GREM2: variants seen among roughly 807,000 people sequenced by gnomAD.
The protein encoded by GREM2 is gremlin 2, DAN family BMP antagonist, also known as gremlin-2.
GREM2 carries 11 observed loss-of-function variants against 14.2 expected under a neutral mutation model. The observed-to-expected ratio is 0.78, with a 90% CI of 0.49 to 1.28. The LOEUF (loss-of-function observed/expected upper bound fraction) is 1.28. Ranked by LOEUF, GREM2 falls within the 50% of genes most tolerant of loss-of-function variation. The pLI, the probability that GREM2 is intolerant of heterozygous loss-of-function variation, is 0.00. For synonymous variants in GREM2, 98 were observed against 97.6 expected (o/e 1.00, Z -0.02); for missense variants, 210 against 218.5 (o/e 0.96, Z 0.24).
intron 1 of GREM2, among the ~76,000 whole-genome samples, chr1:240,582,208 CG>C (rs748466474): frequency 1.1e-4 from 16 of 152,282 alleles, no homozygotes; most frequent in Admixed American, 3.3e-4. Context: ...GAGGCCAAGG[CG>C]GGTGGATCAC....
intron 1 of GREM2, among the ~76,000 whole-genome samples, chr1:240,521,949 CA>C (rs1032236281): frequency 4.0e-5 from 6 of 150,366 alleles, no homozygotes; most frequent in Non-Finnish European, 7.4e-5. Flanking sequence ...CCATCTCTAC[CA>C]AAAAAAAAAT....
chr1:240,611,452 T>A (rs1238425665), intron 1 of GREM2, among the ~76,000 whole-genome samples: 1 of 152,172 alleles, frequency 6.6e-6, no homozygotes, highest in Non-Finnish European at 1.5e-5. Context: ...CCGCTGTGGT[T>A]CCTATTCCTG....
intron 1 of GREM2, among the ~76,000 whole-genome samples, chr1:240,602,176 T>C (rs1934346): frequency 0.22 from 33,105 of 152,042 alleles, 4,480 homozygotes; most frequent in Middle Eastern, 0.31. Flanking sequence ...CCCAGGCCCC[T>C]AAAAGCTATT....
chr1:240,536,151 C>T (rs1348278227), intron 1 of GREM2, among the ~76,000 whole-genome samples: 2 of 152,142 alleles, frequency 1.3e-5, no homozygotes, highest in Non-Finnish European at 2.9e-5. Context: ...TCAATTATGG[C>T]AGTTAGAAGG....
At chr1:240,563,164 CGT>C (rs1003088567) in intron 1 of GREM2, among the ~76,000 whole-genome samples, 3 of 130,334 alleles carry the variant, frequency 2.3e-5, no homozygotes, top group African/African-American at 6.3e-5. Flanking sequence ...TATGTGTGTA[CGT>C]GTGAGTGTGT....
intron 1 of GREM2, among the ~76,000 whole-genome samples, chr1:240,506,439 T>C (rs572252374): frequency 1.3e-5 from 2 of 152,292 alleles, no homozygotes; most frequent in Admixed American, 1.3e-4. Flanking sequence ...CCCTGCCTTT[T>C]TCAAGTTAGC....
intron 1 of GREM2, among the ~76,000 whole-genome samples, chr1:240,509,358 T>C (rs113849467): frequency 2.3e-5 from 3 of 132,376 alleles, no homozygotes; most frequent in South Asian, 4.6e-4. Flanking sequence ...CCAGCTCATT[T>C]GATTTTTTTT....
chr1:240,600,812 T>G (rs2102870701), intron 1 of GREM2, among the ~76,000 whole-genome samples: 1 of 152,260 alleles, frequency 6.6e-6, no homozygotes, highest in South Asian at 2.1e-4. Flanking sequence ...TGCATGTCTC[T>G]CCTTCCCCAT....
intron 1 of GREM2, among the ~76,000 whole-genome samples, chr1:240,494,531 A>G (rs556617709): frequency 1.3e-5 from 2 of 152,372 alleles, no homozygotes; most frequent in South Asian, 4.1e-4. Context: ...ATTATTACAT[A>G]TGAATAATAA....
In GREM2 at chr1:240,492,273, G is replaced by C. The variant is rs1444696483; in HGVS notation, c.*696C>G. On this transcript the variant is annotated 3_prime_UTR_variant, in exon 2 of 2. Transcript: ENST00000318160. The stretch of plus-strand genomic sequence containing the variant: ...ACAAATAGGGGGCGGGGACAGTGAG[G>C]AAGAAGAGGCGGTGGGGACTTGAGG... The C allele has an allele frequency of 2.3e-6, 1 of 442,022 alleles. No homozygotes were observed. The highest frequency in any genetic ancestry group is 4.6e-6 in the Non-Finnish European group (1 of 217,534). The allele number at this position is 442,022 out of a possible 1,614,324, so 27.4% of individuals were successfully genotyped here.
chr1:240,544,149 G>T (rs1013693505), intron 1 of GREM2, among the ~76,000 whole-genome samples: 1 of 138,392 alleles, frequency 7.2e-6, no homozygotes, highest in Non-Finnish European at 1.5e-5. Flanking sequence ...CAAGCACTAG[G>T]CCTTTTTTTT....
At chr1:240,546,079 A>T (rs910579745) in intron 1 of GREM2, among the ~76,000 whole-genome samples, 2 of 152,162 alleles carry the variant, frequency 1.3e-5, no homozygotes, top group African/African-American at 4.8e-5. Flanking sequence ...GCATGCCTGT[A>T]ATCCCAGCAC....
chr1:240,610,624 C>T (rs911329039), intron 1 of GREM2, among the ~76,000 whole-genome samples: 2 of 152,234 alleles, frequency 1.3e-5, no homozygotes, highest in African/African-American at 4.8e-5. Flanking sequence ...GGGACAAAGG[C>T]TACCTTGAAA....
At chr1:240,547,515 ATATATATAT>A (rs1428551476) in intron 1 of GREM2, among the ~76,000 whole-genome samples, 1 of 64,230 alleles carries the variant, frequency 1.6e-5, no homozygotes, top group African/African-American at 5.9e-5. Context: ...AAAAAAAAAA[ATATATATAT>A]ATATATATAT....
At chr1:240,590,491 G>A (rs1303971101) in intron 1 of GREM2, among the ~76,000 whole-genome samples, 2 of 151,264 alleles carry the variant, frequency 1.3e-5, no homozygotes, top group South Asian at 4.2e-4. Flanking sequence ...ATGTAATGGG[G>A]CGATCCTGGC....
intron 1 of GREM2, among the ~76,000 whole-genome samples, chr1:240,539,296 C>T (rs1351030178): frequency 6.6e-6 from 1 of 152,184 alleles, no homozygotes; most frequent in Non-Finnish European, 1.5e-5. Flanking sequence ...TGACAAGTCT[C>T]TTTGCTATGA....
rs1359941127 is a variant in GREM2 at position 240,542,976 on chromosome 1, T to G, written c.-1-49500A>C. On this transcript the variant is annotated intron_variant, in intron 1 of 1. Transcript: ENST00000318160. This position sits in a 1 kb window ranked among gnomAD's most constrained non-coding sequence, Gnocchi z 4.1. Reference sequence around the variant, plus strand: ...TCCCACCAAAAAATATCACCTTCTTTGTGAAGCCTCTTACTTTCCTTCCGA... The same window carrying G: ...TCCCACCAAAAAATATCACCTTCTTGGTGAAGCCTCTTACTTTCCTTCCGA... Among the ~76,000 whole-genome samples, 2 of 152,200 alleles carry G rather than the reference T, an allele frequency of 1.3e-5. No homozygotes were observed. The highest frequency in any genetic ancestry group is 2.9e-5 in the Non-Finnish European group (2 of 68,026).
At chr1:240,575,998 A>T (rs1679366645) in intron 1 of GREM2, among the ~76,000 whole-genome samples, 1 of 152,200 alleles carries the variant, frequency 6.6e-6, no homozygotes, top group African/African-American at 2.4e-5. Context: ...AAAGAAAAGA[A>T]ATGTGCCCAA....
chr1:240,587,790 G>C (rs1395105992), intron 1 of GREM2, among the ~76,000 whole-genome samples: 1 of 152,186 alleles, frequency 6.6e-6, no homozygotes, highest in Non-Finnish European at 1.5e-5. Context: ...GCTTAATTCT[G>C]TGTTTTTATT....
Sources: allele counts gnomAD v4.1 joint callset (sites outside exome capture counted in the v4.1 genomes callset), GRCh38; gene constraint gnomAD v4.1.1; non-coding constraint Gnocchi (gnomAD v3.1); transcripts MANE v1.5; gene names NCBI Gene and HGNC (gene_info 2026-07-23, HGNC 2026-07-21).